SENP1: variants seen among roughly 807,000 people sequenced by gnomAD.
SENP1 encodes sentrin-specific protease 1.
Under a neutral mutation model 93.0 loss-of-function variants are expected in SENP1, and 21 were observed. That is an observed-to-expected ratio of 0.23 (90% CI 0.16 to 0.33). The LOEUF (loss-of-function observed/expected upper bound fraction) is 0.33, where lower values mean the gene tolerates loss of function less well. Ranked by LOEUF, SENP1 falls within the 10% of genes least tolerant of loss-of-function variation. The pLI is 1.00. For missense variants in SENP1, 591 were observed against 758.7 expected (o/e 0.78, Z 2.60); for synonymous variants, 256 against 259.6 (o/e 0.99, Z 0.13).
chr12:48,057,941 C>CTTTTTTTTTTTTTTTTTTTT (rs370210767), intron 13 of SENP1, among the ~76,000 whole-genome samples: 1 of 85,684 alleles, frequency 1.2e-5, no homozygotes, highest in Non-Finnish European at 2.1e-5. Context: ...TTTATTTCCT[C>CTTTTTTTTTTTTTTTTTTTT]TTTTTTTTTT....
chr12:48,054,505 C>CT (rs1942073868), intron 13 of SENP1, among the ~76,000 whole-genome samples: 1 of 152,008 alleles, frequency 6.6e-6, no homozygotes, highest in South Asian at 2.1e-4. Flanking sequence ...AAAATGGTTC[C>CT]TTGGCCAGGC....
chr12:48,047,088 T>TA, intron 15 of SENP1, 26 bp from the exon 16 acceptor site: 1 of 1,456,320 alleles, frequency 6.9e-7, no homozygotes, highest in Non-Finnish European at 9.6e-7. Context: ...GAGAATGAGA[T>TA]AAGCAGTGGG....
intron 9 of SENP1, among the ~76,000 whole-genome samples, chr12:48,069,152 C>CAAAAAAAAAAAAAAAAAAAAAAAAAAA (rs10564674): frequency 1.3e-5 from 1 of 76,336 alleles, no homozygotes. Context: ...GACTCTGTCA[C>CAAAAAAAAAAAAAAAAAAAAAAAAAAA]AAAAAAAAAA....
chr12:48,102,456 C>CAAACACAA (rs1946014254), intron 1 of SENP1, among the ~76,000 whole-genome samples: 1 of 92,578 alleles, frequency 1.1e-5, no homozygotes, highest in African/African-American at 4.2e-5. Context: ...AAAAAAAAAC[C>CAAACACAA]AAACACAAAA....
chr12:48,080,898 G>A lies in SENP1; in HGVS notation c.552+2693C>T, dbSNP rs192228476. 1.6e-4 allele frequency among the ~76,000 whole-genome samples: 24 copies of A among 152,280 alleles called. No homozygotes were observed. In the East Asian group the frequency reaches 4.6e-3, roughly 29 times the overall value. ...TTCTTAGCATCTTCTTTGCACTACA[G>A]GAGGAAGGAGAACTCCACCTTCATG... On this transcript the variant is annotated intron_variant, in intron 6 of 17. Transcript: ENST00000549518.
intron 6 of SENP1, among the ~76,000 whole-genome samples, chr12:48,076,867 G>C (rs185128700): frequency 1.3e-5 from 2 of 151,008 alleles, no homozygotes; most frequent in Non-Finnish European, 3.0e-5. Context: ...CAATGGTCTC[G>C]ATCTCCTGAC....
intron 4 of SENP1, among the ~76,000 whole-genome samples, chr12:48,090,673 T>G (rs1466798155): frequency 6.6e-6 from 1 of 152,114 alleles, no homozygotes; most frequent in Non-Finnish European, 1.5e-5. Flanking sequence ...GATAGCTCAC[T>G]GCAGCCTCGA....
intron 6 of SENP1, among the ~76,000 whole-genome samples, chr12:48,076,589 C>T (rs1944097459): frequency 6.6e-6 from 1 of 151,934 alleles, no homozygotes; most frequent in African/African-American, 2.4e-5. Flanking sequence ...ACCTTGGCCT[C>T]CCAAAGTGCT....
intron 13 of SENP1, among the ~76,000 whole-genome samples, chr12:48,054,592 C>T (rs187746518): frequency 1.3e-5 from 2 of 152,186 alleles, no homozygotes; most frequent in East Asian, 3.9e-4. Flanking sequence ...GAGTTCAAGA[C>T]CAGGCTGGCC....
chr12:48,045,039 G>T lies in SENP1; in HGVS notation c.*283C>A. ...GGACTGAGTGAGGCTGGAGCCCTTT[G>T]AAAACAAGATGGCAGAACTGAAGAA... On this transcript the variant is annotated 3_prime_UTR_variant, in exon 18 of 18. Transcript: ENST00000549518. 1 of 415,286 alleles carries T rather than the reference G, an allele frequency of 2.4e-6. No individual in the cohort carries two copies. Among genetic ancestry groups the T allele is most frequent in the Non-Finnish European group, 4.4e-6 (1 of 229,196 alleles). The allele number at this position is 415,286 out of a possible 1,614,324, so 25.7% of individuals were successfully genotyped here. A position where few individuals can be genotyped will look rare whatever the true frequency, so the allele number is the denominator to read the frequency against.
intron 9 of SENP1, among the ~76,000 whole-genome samples, chr12:48,069,554 T>C (rs1943539437): frequency 6.6e-6 from 1 of 152,222 alleles, no homozygotes; most frequent in African/African-American, 2.4e-5. Context: ...ACTCTTTACC[T>C]GAGAGATCAA....
chr12:48,074,819 AGTTT>A, intron 6 of SENP1, 26 bp from the exon 7 acceptor site: 2 of 1,411,748 alleles, frequency 1.4e-6, no homozygotes, highest in Non-Finnish European at 2.0e-6. Context: ...AAAAAAAAAC[AGTTT>A]AAACACATCC....
intron 13 of SENP1, among the ~76,000 whole-genome samples, chr12:48,052,843 C>T (rs1469237967): frequency 6.6e-6 from 1 of 152,126 alleles, no homozygotes; most frequent in African/African-American, 2.4e-5. Context: ...AAGAGATAAA[C>T]CATAATAATG....
intron 8 of SENP1, 34 bp from the exon 9 acceptor site, chr12:48,071,755 A>G: frequency 7.1e-7 from 1 of 1,402,622 alleles, no homozygotes; most frequent in Non-Finnish European, 1.0e-6. Context: ...ATTAGTAATA[A>G]AACTCCACAA....
chr12:48,101,247 C>T (rs746515086), intron 2 of SENP1, among the ~76,000 whole-genome samples: 13 of 152,224 alleles, frequency 8.5e-5, no homozygotes, highest in Non-Finnish European at 1.8e-4. Context: ...GATTGTGCTA[C>T]TGCACTCCAG....
At chr12:48,102,810 CAAAA>C (rs1221712691) in intron 1 of SENP1, among the ~76,000 whole-genome samples, 89 of 83,130 alleles carry the variant, frequency 1.1e-3, no homozygotes, top group Admixed American at 8.6e-3. Flanking sequence ...GACTCCGTCT[CAAAA>C]AAAAAAAAAA....
intron 4 of SENP1, among the ~76,000 whole-genome samples, chr12:48,089,549 A>G (rs1292639039): frequency 6.6e-6 from 1 of 152,240 alleles, no homozygotes; most frequent in Non-Finnish European, 1.5e-5. Context: ...ATCTAATGCC[A>G]TAATCAAACA....
chr12:48,046,933 A>T (rs1208457207), intron 16 of SENP1, 45 bp downstream of exon 16: 10 of 1,315,294 alleles, frequency 7.6e-6, no homozygotes, highest in Non-Finnish European at 1.1e-5. Flanking sequence ...TTCCTCCCCA[A>T]ATACCCTACT....
chr12:48,091,822 G>A (rs1175984515), intron 4 of SENP1, among the ~76,000 whole-genome samples: 1 of 151,916 alleles, frequency 6.6e-6, no homozygotes, highest in African/African-American at 2.4e-5. Context: ...GGGACTACAT[G>A]TACACGTTAC....
Sources: allele counts gnomAD v4.1 joint callset (sites outside exome capture counted in the v4.1 genomes callset), GRCh38; gene constraint gnomAD v4.1.1; transcripts MANE v1.5; gene names NCBI Gene and HGNC (gene_info 2026-07-23, HGNC 2026-07-21).